CFAP20DC: variants seen among roughly 807,000 people sequenced by gnomAD.
CFAP20DC encodes protein CFAP20DC.
Under a neutral mutation model 101.7 loss-of-function variants are expected in CFAP20DC, and 84 were observed. The observed-to-expected ratio is 0.83, with a 90% CI of 0.69 to 0.99. CFAP20DC has a LOEUF of 0.99. CFAP20DC is among the 50% of genes least tolerant of loss of function. The probability of loss-of-function intolerance (pLI) is 0.00; values close to 1 mark genes in which losing one functional copy is unlikely to be tolerated. For missense variants in CFAP20DC, 1,007 were observed against 970.3 expected (o/e 1.04, Z -0.50); for synonymous variants, 359 against 351.2 (o/e 1.02, Z -0.25).
At chr3:58,969,752 T>C in intron 4 of CFAP20DC, among the ~76,000 whole-genome samples, 1 of 152,144 alleles carries the variant, frequency 6.6e-6, no homozygotes, top group Non-Finnish European at 1.5e-5. Flanking sequence ...CTTGAAAACA[T>C]TATGCTAAGT....
At chr3:58,725,019 T>A (rs1009791756) in intron 3 of CFAP20DC, among the ~76,000 whole-genome samples, 1 of 152,242 alleles carries the variant, frequency 6.6e-6, no homozygotes, top group African/African-American at 2.4e-5. Context: ...TGGGTTATGT[T>A]GATATTAATG....
At chr3:58,848,333 C>G (rs953239772) in intron 13 of CFAP20DC, among the ~76,000 whole-genome samples, 8 of 152,102 alleles carry the variant, frequency 5.3e-5, no homozygotes, top group African/African-American at 1.9e-4. Flanking sequence ...CAAAGCTTTA[C>G]AATGCAACAC....
chr3:58,842,720 C>A (rs2077246239), intron 13 of CFAP20DC, among the ~76,000 whole-genome samples: 2 of 152,238 alleles, frequency 1.3e-5, no homozygotes, highest in South Asian at 4.1e-4. Flanking sequence ...AGGGCACAGA[C>A]AAACAAAAAG....
chr3:58,798,503 C>T (rs1336124196), intron 15 of CFAP20DC, among the ~76,000 whole-genome samples: 1 of 152,202 alleles, frequency 6.6e-6, no homozygotes, highest in African/African-American at 2.4e-5. Flanking sequence ...TGAAATGAAT[C>T]AACTCCTGGT....
chr3:58,845,498 A>C (rs1220733786), intron 13 of CFAP20DC, among the ~76,000 whole-genome samples: 8 of 150,204 alleles, frequency 5.3e-5, no homozygotes, highest in South Asian at 2.1e-4. Flanking sequence ...CAATAACAGG[A>C]GCTGAAATTG....
intron 4 of CFAP20DC, among the ~76,000 whole-genome samples, chr3:58,968,101 C>T (rs1233847244): frequency 6.6e-6 from 1 of 152,146 alleles, no homozygotes; most frequent in Non-Finnish European, 1.5e-5. Context: ...TTTCTTCATC[C>T]AGTCAGTCAC....
At chr3:58,843,613 C>T (rs1326935353) in intron 13 of CFAP20DC, among the ~76,000 whole-genome samples, 2 of 151,840 alleles carry the variant, frequency 1.3e-5, no homozygotes, top group South Asian at 4.2e-4. Flanking sequence ...AGGAGAACTT[C>T]CCCAATCTAG....
At chr3:58,762,527 GC>G (rs2069743396) in intron 15 of CFAP20DC, among the ~76,000 whole-genome samples, 1 of 151,942 alleles carries the variant, frequency 6.6e-6, no homozygotes, top group Non-Finnish European at 1.5e-5. Flanking sequence ...GGAGCATTTA[GC>G]CCATTTACAT....
chr3:58,836,528 G>C (rs2076748806), intron 13 of CFAP20DC, among the ~76,000 whole-genome samples: 1 of 152,052 alleles, frequency 6.6e-6, no homozygotes, highest in South Asian at 2.1e-4. Flanking sequence ...AATGAGACAT[G>C]GCCATGGGAT....
intron 14 of CFAP20DC, among the ~76,000 whole-genome samples, chr3:58,826,622 A>G (rs2076058914): frequency 6.6e-6 from 1 of 152,216 alleles, no homozygotes; most frequent in East Asian, 1.9e-4. Context: ...ATGTCCCTGC[A>G]AAGGACCTAA....
chr3:58,935,951 C>A (rs905916004), intron 5 of CFAP20DC, among the ~76,000 whole-genome samples: 2 of 151,878 alleles, frequency 1.3e-5, no homozygotes, highest in African/African-American at 4.8e-5. Context: ...AGAGCTTCTG[C>A]ACAGCAAAAG....
chr3:58,725,413 GC>G (rs1254935280), intron 3 of CFAP20DC, among the ~76,000 whole-genome samples: 1 of 152,136 alleles, frequency 6.6e-6, no homozygotes, highest in Non-Finnish European at 1.5e-5. Flanking sequence ...CTTTCCCCCT[GC>G]TTCTGCTGGC....
At chr3:58,903,722 T>C (rs1443178984) in intron 6 of CFAP20DC, among the ~76,000 whole-genome samples, 2 of 152,150 alleles carry the variant, frequency 1.3e-5, no homozygotes, top group African/African-American at 2.4e-5. Flanking sequence ...GCAGCCATGA[T>C]TCAATTACCT....
intron 4 of CFAP20DC, among the ~76,000 whole-genome samples, chr3:59,008,475 A>G (rs1357222026): frequency 6.6e-6 from 1 of 152,184 alleles, no homozygotes; most frequent in Non-Finnish European, 1.5e-5. Flanking sequence ...AGCCTGAACG[A>G]TAGACTGGAT....
Position 58,865,697 on chromosome 3 carries a change from C to G in CFAP20DC, c.1258+869G>C, listed in dbSNP as rs898653361. Among the ~76,000 whole-genome samples the G allele has an allele frequency of 6.6e-5, 10 of 152,240 alleles. No homozygotes were observed. In the South Asian group the frequency reaches 1.5e-3, roughly 22 times the overall value. Reference sequence around the variant, plus strand: ...AAATGCTGAGAAATGTTACAAAAGTCAATAGGTTGCATTATGTATATGGAT... The same window carrying G: ...AAATGCTGAGAAATGTTACAAAAGTGAATAGGTTGCATTATGTATATGGAT... On this transcript the variant is annotated intron_variant, in intron 11 of 16. Coordinates refer to ENST00000482387, the MANE Select transcript of CFAP20DC (RefSeq NM_001394063.1).
chr3:58,807,862 T>C (rs1189924918), intron 14 of CFAP20DC, among the ~76,000 whole-genome samples: 3 of 152,088 alleles, frequency 2.0e-5, no homozygotes, highest in Non-Finnish European at 4.4e-5. Flanking sequence ...TACAGAGAAG[T>C]GCTTAAAGGA....
chr3:59,033,962 T>C (rs1457297977), intron 4 of CFAP20DC, among the ~76,000 whole-genome samples: 3 of 152,162 alleles, frequency 2.0e-5, no homozygotes, highest in African/African-American at 7.2e-5. Flanking sequence ...AAGGTTAGAT[T>C]ACCCACAAAG....
At chr3:59,004,161 C>A (rs1357635975) in intron 4 of CFAP20DC, among the ~76,000 whole-genome samples, 1 of 152,098 alleles carries the variant, frequency 6.6e-6, no homozygotes, top group African/African-American at 2.4e-5. Context: ...CAGGAATTTT[C>A]ATCTGTTTTG....
rs554877360 is a variant in CFAP20DC at position 58,875,014 on chromosome 3, AC to A, written c.716-4706del. 2.0e-3 allele frequency among the ~76,000 whole-genome samples: 310 copies of A among 152,350 alleles called. 3 individuals are homozygous for A. The highest frequency in any genetic ancestry group is 7.3e-3 in the African/African-American group (303 of 41,584). On this transcript the variant is annotated intron_variant, in intron 7 of 16. Transcript: ENST00000482387. ...TTGAAGTTCATTTTAAGAGAAATCT[AC>A]CTGGGAGTTCTATGTGTGAATCAAA...
Sources: allele counts gnomAD v4.1 joint callset (sites outside exome capture counted in the v4.1 genomes callset), GRCh38; gene constraint gnomAD v4.1.1; transcripts MANE v1.5; gene names NCBI Gene and HGNC (gene_info 2026-07-23, HGNC 2026-07-21).